The following SPMIP8 variants were observed in gnomAD, a reference collection of about 807,000 sequenced individuals.
The protein encoded by SPMIP8 is sperm microtubule inner protein 8, also known as testicular tissue protein Li 196.
the SPMIP8 span, chr16:57,987,546 A>C: frequency 8.7e-7 from 1 of 1,143,208 alleles, no homozygotes; most frequent in Non-Finnish European, 1.2e-6. Flanking sequence ...AACTAGAAAT[A>C]AACCTAATGC....
At chr16:57,980,851 T>C in the SPMIP8 span, among the ~76,000 whole-genome samples, 1 of 152,104 alleles carries the variant, frequency 6.6e-6, no homozygotes, top group Non-Finnish European at 1.5e-5. Flanking sequence ...CACACCACTA[T>C]GCCAGGCTAT....
At chr16:57,984,647 C>A in the SPMIP8 span, 1 of 1,586,634 alleles carries the variant, frequency 6.3e-7, no homozygotes, top group East Asian at 2.3e-5. Context: ...ACATCACCGC[C>A]ACAGGCCAGA....
chr16:57,986,210 T>G, the SPMIP8 span: 4 of 403,608 alleles, frequency 9.9e-6, no homozygotes, highest in Non-Finnish European at 1.8e-5. Flanking sequence ...AGGGCGAGGA[T>G]GTTAACTAGA....
chr16:57,981,425 T>TATAATAATAATA, the SPMIP8 span, among the ~76,000 whole-genome samples: 99 of 140,764 alleles, frequency 7.0e-4, 1 homozygote, highest in Admixed American at 1.6e-3. Context: ...TTATTATTAT[T>TATAATAATAATA]ATTATTATAA....
chr16:57,985,493 C>A, the SPMIP8 span: 8 of 1,613,648 alleles, frequency 5.0e-6, no homozygotes, highest in Middle Eastern at 1.7e-4. Flanking sequence ...ACTGCCTCAG[C>A]CAGAACCCCA....
At chr16:57,984,148 C>A in the SPMIP8 span, among the ~76,000 whole-genome samples, 1 of 152,170 alleles carries the variant, frequency 6.6e-6, no homozygotes, top group Non-Finnish European at 1.5e-5. Flanking sequence ...AAGTGATCCA[C>A]CCGCCTCGGC....
At chr16:57,985,809 A>C in the SPMIP8 span, 1 of 1,457,602 alleles carries the variant, frequency 6.9e-7, no homozygotes. Flanking sequence ...ACCCTTCAGG[A>C]GGGATGGCGG....
the SPMIP8 span, among the ~76,000 whole-genome samples, chr16:57,981,398 T>A: frequency 0.28 from 38,427 of 138,824 alleles, 6,854 homozygotes; most frequent in African/African-American, 0.49. Flanking sequence ...TAATAATTAT[T>A]ATTATTATAA....
chr16:57,978,637 A>C, the SPMIP8 span, among the ~76,000 whole-genome samples: 4 of 151,920 alleles, frequency 2.6e-5, no homozygotes, highest in African/African-American at 9.7e-5. Context: ...TTTTTTGAAG[A>C]CAGTGTCTTA....
At chr16:57,979,187 C>T in the SPMIP8 span, among the ~76,000 whole-genome samples, 2 of 152,206 alleles carry the variant, frequency 1.3e-5, no homozygotes, top group Non-Finnish European at 2.9e-5. Flanking sequence ...GGAGTAGGTG[C>T]AGGCGGGGCA....
chr16:57,985,618 C>A, the SPMIP8 span: 1 of 1,509,258 alleles, frequency 6.6e-7, no homozygotes, highest in South Asian at 1.3e-5. Flanking sequence ...GCTTTCCTAG[C>A]GCACAGGCAA....
At chr16:57,987,572 C>A in the SPMIP8 span, 1 of 859,956 alleles carries the variant, frequency 1.2e-6, no homozygotes, top group Non-Finnish European at 1.6e-6. Context: ...TAGAGACACA[C>A]GCAATTGTCT....
the SPMIP8 span, chr16:57,985,238 T>C: frequency 1.9e-6 from 3 of 1,556,970 alleles, no homozygotes; most frequent in Non-Finnish European, 2.6e-6. Flanking sequence ...GGTGCGGTAC[T>C]TGAAGCCCGA....
the SPMIP8 span, chr16:57,985,765 T>C: frequency 8.3e-7 from 1 of 1,204,308 alleles, no homozygotes; most frequent in South Asian, 1.6e-5. Flanking sequence ...CCTTGCGGAG[T>C]GGAGGCGTTC....
chr16:57,985,387 A>C, the SPMIP8 span: 2 of 1,605,656 alleles, frequency 1.2e-6, no homozygotes. Context: ...AGTCTTCAGG[A>C]CCACGGTCTC....
chr16:57,981,501 CTTTTTTTTTTTTT>C, the SPMIP8 span, among the ~76,000 whole-genome samples: 26 of 68,978 alleles, frequency 3.8e-4, no homozygotes, highest in Admixed American at 1.2e-3. Context: ...CTCTCTTTCT[CTTTTTTTTTTTTT>C]TTTTTTTTTT....
chr16:57,984,855 C>T, the SPMIP8 span: 1 of 1,548,362 alleles, frequency 6.5e-7, no homozygotes, highest in Non-Finnish European at 8.7e-7. Context: ...AGGTGGGCCG[C>T]GGGGCTGGAG....
chr16:57,986,121 G>A, the SPMIP8 span: 1 of 692,720 alleles, frequency 1.4e-6, no homozygotes, highest in Middle Eastern at 2.7e-4. Flanking sequence ...CCTGGCAAAT[G>A]TGCAGCCCAC....
At chr16:57,979,147 T>A in the SPMIP8 span, among the ~76,000 whole-genome samples, 1 of 152,044 alleles carries the variant, frequency 6.6e-6, no homozygotes, top group African/African-American at 2.4e-5. Context: ...GTGGAGGGAT[T>A]TAGAAGGTAT....
Sources: allele counts gnomAD v4.1 joint callset (sites outside exome capture counted in the v4.1 genomes callset), GRCh38; gene constraint gnomAD v4.1.1; transcripts MANE v1.5; gene names NCBI Gene and HGNC (gene_info 2026-07-23, HGNC 2026-07-21).